RABGAP1L: variants seen among roughly 807,000 people sequenced by gnomAD.
RABGAP1L encodes RAB GTPase activating protein 1 like.
In RABGAP1L, 63 loss-of-function variants were observed where a neutral mutation model predicts 137.7. That is an observed-to-expected ratio of 0.46 (90% CI 0.37 to 0.56). The LOEUF (loss-of-function observed/expected upper bound fraction) is 0.56, where lower values mean the gene tolerates loss of function less well. RABGAP1L is among the 20% of genes least tolerant of loss of function. The probability of loss-of-function intolerance (pLI) is 0.00; values close to 1 mark genes in which losing one functional copy is unlikely to be tolerated. For synonymous variants in RABGAP1L, 431 were observed against 433.7 expected (o/e 0.99, Z 0.08); for missense variants, 1,095 against 1,244.0 (o/e 0.88, Z 1.80).
chr1:174,703,851 T>C (rs1679853735), intron 17 of RABGAP1L, among the ~76,000 whole-genome samples: 1 of 152,252 alleles, frequency 6.6e-6, no homozygotes, highest in South Asian at 2.1e-4. Context: ...TGAACATTTT[T>C]TCATATGCTC....
intron 13 of RABGAP1L, among the ~76,000 whole-genome samples, chr1:174,575,073 GGCATGCGCCA>G (rs1456158905): frequency 6.6e-6 from 1 of 152,132 alleles, no homozygotes; most frequent in Non-Finnish European, 1.5e-5. Flanking sequence ...TGGGATTACA[GGCATGCGCCA>G]CCACACCTGG....
intron 1 of RABGAP1L, among the ~76,000 whole-genome samples, chr1:174,162,785 T>TTTTTTTTTTTTTTTTTTTTTTTTG (rs1664598796): frequency 1.4e-5 from 1 of 71,164 alleles, no homozygotes; most frequent in Non-Finnish European, 2.8e-5. Context: ...CTGTTTTTTT[T>TTTTTTTTTTTTTTTTTTTTTTTTG]TTTTTTTTTT....
At chr1:174,514,247 CAAAAAAAAA>C (rs776487855) in intron 13 of RABGAP1L, among the ~76,000 whole-genome samples, 4 of 81,066 alleles carry the variant, frequency 4.9e-5, no homozygotes, top group South Asian at 5.0e-4. Context: ...TATTTTAAGC[CAAAAAAAAA>C]AAAAAAAAAA....
At chr1:174,496,496 A>G (rs1434671163) in intron 13 of RABGAP1L, among the ~76,000 whole-genome samples, 1 of 152,236 alleles carries the variant, frequency 6.6e-6, no homozygotes, top group Non-Finnish European at 1.5e-5. Flanking sequence ...TAAACAGAGC[A>G]TGGAGGCTGC....
rs369272503 is a variant in RABGAP1L, at chr1:174,401,075, C to T, written c.1710+6930C>T. Reference sequence around the variant, plus strand: ...ATAACCTCAATCTGGAACCAAGGACCAAGCAGGACCAGTCAGAAGAGCTGT... The same window carrying T: ...ATAACCTCAATCTGGAACCAAGGACTAAGCAGGACCAGTCAGAAGAGCTGT... On this transcript the variant is annotated intron_variant, in intron 13 of 25. Transcript: ENST00000681986. Among the ~76,000 whole-genome samples the T allele has an allele frequency of 2.6e-5, 4 of 152,100 alleles. No individual in the cohort carries two copies. In the East Asian group the frequency reaches 5.8e-4, roughly 22 times the overall value.
intron 13 of RABGAP1L, among the ~76,000 whole-genome samples, chr1:174,588,118 G>A (rs141212611): frequency 0.023 from 3,445 of 151,850 alleles, 62 homozygotes; most frequent in Middle Eastern, 0.085. Context: ...CACCCGCCTC[G>A]GCTTCCAAAA....
chr1:174,499,827 C>G (rs1347547915), intron 13 of RABGAP1L, among the ~76,000 whole-genome samples: 1 of 152,174 alleles, frequency 6.6e-6, no homozygotes, highest in Non-Finnish European at 1.5e-5. Context: ...ACATCACTTT[C>G]ATAGCTTTCT....
At chr1:174,905,358 A>G (rs1281566226) in intron 19 of RABGAP1L, among the ~76,000 whole-genome samples, 1 of 152,236 alleles carries the variant, frequency 6.6e-6, no homozygotes, top group Non-Finnish European at 1.5e-5. Context: ...AAACTCAGTG[A>G]TCACCATCAT....
chr1:174,171,623 A>G (rs1468922697), intron 1 of RABGAP1L, among the ~76,000 whole-genome samples: 6 of 149,298 alleles, frequency 4.0e-5, no homozygotes, highest in African/African-American at 1.5e-4. Context: ...CCTTTGACCT[A>G]CTTATTCCCA....
intron 4 of RABGAP1L, among the ~76,000 whole-genome samples, chr1:174,239,426 C>T (rs1671589574): frequency 6.6e-6 from 1 of 152,170 alleles, no homozygotes; most frequent in Non-Finnish European, 1.5e-5. Context: ...CGCCCCAGGA[C>T]CTTGGCATAT....
chr1:174,437,499 C>T (rs557456034), intron 13 of RABGAP1L, among the ~76,000 whole-genome samples: 38 of 151,950 alleles, frequency 2.5e-4, no homozygotes, highest in South Asian at 2.1e-3. Context: ...TAAAATGAAG[C>T]GTGAAGAGAA....
At chr1:174,458,070 A>C (rs977801709) in intron 13 of RABGAP1L, among the ~76,000 whole-genome samples, 1 of 152,128 alleles carries the variant, frequency 6.6e-6, no homozygotes. Context: ...ACAGATTTTC[A>C]GTTCTCCAAG....
intron 13 of RABGAP1L, among the ~76,000 whole-genome samples, chr1:174,550,893 TATACACAC>T (rs1455588319): frequency 1.8e-4 from 10 of 55,462 alleles, no homozygotes; most frequent in African/African-American, 8.6e-4. Context: ...TATATATATA[TATACACAC>T]ACACATATAC....
At chr1:174,305,582 C>T (rs901415288) in intron 11 of RABGAP1L, among the ~76,000 whole-genome samples, 6 of 151,862 alleles carry the variant, frequency 4.0e-5, no homozygotes, top group East Asian at 1.9e-4. Flanking sequence ...GATGGGGTTT[C>T]GCCATGTTGG....
Position 174,415,810 on chromosome 1 carries a change from A to G in RABGAP1L, c.1710+21665A>G, listed in dbSNP as rs554203284. Among the ~76,000 whole-genome samples, 10 of 151,772 alleles carry G rather than the reference A, an allele frequency of 6.6e-5. No individual in the cohort carries two copies. In the East Asian group the frequency reaches 1.9e-3, roughly 29 times the overall value. Reference sequence around the variant, plus strand: ...AGCTTTCTTTCTTTACTTTCCAGGGACCTCAGATCTTATTTTCAAAGCTCA... The same window carrying G: ...AGCTTTCTTTCTTTACTTTCCAGGGGCCTCAGATCTTATTTTCAAAGCTCA... On this transcript the variant is annotated intron_variant, in intron 13 of 25. Coordinates refer to ENST00000681986, the MANE Select transcript of RABGAP1L (RefSeq NM_001366446.1).
intron 18 of RABGAP1L, among the ~76,000 whole-genome samples, chr1:174,788,226 A>G (rs1687602954): frequency 1.3e-5 from 2 of 152,196 alleles, no homozygotes; most frequent in South Asian, 4.1e-4. Flanking sequence ...TCTTATAATC[A>G]ACTTTGTGCC....
rs1450397712 is a variant in RABGAP1L at position 174,957,767 on chromosome 1, A to G, written c.2433+218A>G. On this transcript the variant is annotated intron_variant, in intron 20 of 25. Coordinates refer to ENST00000681986, the MANE Select transcript of RABGAP1L (RefSeq NM_001366446.1). The stretch of plus-strand genomic sequence containing the variant: ...TTTTTCTTAAAGCAGCAGTTGTGGC[A>G]AGTTCAATTCCCTCTGTTCTTCCTT... 5.6e-6 allele frequency: 5 copies of G among 895,182 alleles called. No homozygotes were observed. The Admixed American group carries it at 6.0e-5, about 11-fold the overall frequency. 55.5% of individuals were successfully genotyped at this position (895,182 alleles called of 1,614,324 possible). A position where few individuals can be genotyped will look rare whatever the true frequency, so the allele number is the denominator to read the frequency against.
At chr1:174,298,368 C>A (rs1677330516) in intron 10 of RABGAP1L, among the ~76,000 whole-genome samples, 1 of 152,222 alleles carries the variant, frequency 6.6e-6, no homozygotes, top group Admixed American at 6.5e-5. Context: ...TTCTCACCTA[C>A]TGTCAGTAGC....
chr1:174,541,927 A>C (rs1665491868), intron 13 of RABGAP1L, among the ~76,000 whole-genome samples: 1 of 152,236 alleles, frequency 6.6e-6, no homozygotes, highest in African/African-American at 2.4e-5. Flanking sequence ...CTAGCCTTGC[A>C]TCCCAGGGAT....
Sources: gnomAD v4.1 joint callset for allele counts (sites outside exome capture counted in the v4.1 genomes callset) on GRCh38, gnomAD v4.1.1 for gene constraint, MANE v1.5 for transcripts, NCBI Gene and HGNC (gene_info 2026-07-23, HGNC 2026-07-21) for gene names.